The following HK2 variants were observed in gnomAD, a reference collection of about 807,000 sequenced individuals.
HK2 encodes hexokinase 2.
In HK2, 42 loss-of-function variants were observed where a neutral mutation model predicts 92.9. The observed-to-expected ratio is 0.45, with a 90% CI of 0.35 to 0.58. The LOEUF is 0.58. Among genes scored for constraint, HK2 ranks in the 20% least tolerant of loss-of-function variants. The probability of loss-of-function intolerance (pLI) is 0.00; values close to 1 mark genes in which losing one functional copy is unlikely to be tolerated. For missense variants in HK2, 978 were observed against 1,245.1 expected, an observed-to-expected ratio of 0.79 and a Z score of 3.23; for synonymous variants, 422 against 468.0, an observed-to-expected ratio of 0.90 and a Z score of 1.27.
At chr2:74,868,154 T>C (rs1260741092) in intron 3 of HK2, among the ~76,000 whole-genome samples, 1 of 152,144 alleles carries the variant, frequency 6.6e-6, no homozygotes, top group Non-Finnish European at 1.5e-5. Flanking sequence ...TGACCATGAG[T>C]AGAACACGCT....
At chr2:74,855,980 G>A (rs543056831) in intron 2 of HK2, among the ~76,000 whole-genome samples, 48 of 152,248 alleles carry the variant, frequency 3.2e-4, no homozygotes, top group Non-Finnish European at 5.4e-4. Flanking sequence ...GGCCCATGAC[G>A]GGTGGTGGGT....
chr2:74,841,681 C>T (rs1382459541), intron 1 of HK2, among the ~76,000 whole-genome samples: 1 of 152,182 alleles, frequency 6.6e-6, no homozygotes, highest in Non-Finnish European at 1.5e-5. Context: ...GGGCAGGTTT[C>T]CAGGGAACGG....
chr2:74,837,273 A>T (rs1688189859), intron 1 of HK2, among the ~76,000 whole-genome samples: 1 of 152,186 alleles, frequency 6.6e-6, no homozygotes, highest in South Asian at 2.1e-4. Flanking sequence ...CATGCTCTTG[A>T]GCACATACTT....
At chr2:74,879,018 T>G in intron 9 of HK2, 97 bp downstream of exon 9, 1 of 1,032,274 alleles carries the variant, frequency 9.7e-7, no homozygotes. Flanking sequence ...TCAGGGGTGG[T>G]GTGGAGGGAC....
chr2:74,834,965 A>T lies in HK2; in HGVS notation c.63+322A>T, dbSNP rs1202493575. 2.6e-5 allele frequency among the ~76,000 whole-genome samples: 4 copies of T among 152,054 alleles called. No homozygotes were observed. The highest frequency in any genetic ancestry group is 9.7e-5 in the African/African-American group (4 of 41,416). On this transcript the variant is annotated intron_variant, in intron 1 of 17. Coordinates refer to ENST00000290573, the MANE Select transcript of HK2 (RefSeq NM_000189.5). The surrounding 1 kb of genome is among the most constrained non-coding windows in gnomAD (Gnocchi z 4.2). The stretch of plus-strand genomic sequence containing the variant: ...CGGGTCACCCCGCAGGTAGTCAGGG[A>T]TTGCTGCGCCCACGTGGGAGGGAGC...
At chr2:74,844,427 C>T (rs1021388670) in intron 1 of HK2, among the ~76,000 whole-genome samples, 7 of 152,180 alleles carry the variant, frequency 4.6e-5, no homozygotes, top group African/African-American at 9.7e-5. Flanking sequence ...CAAACTGGGC[C>T]GCTTTTGAAA....
intron 2 of HK2, among the ~76,000 whole-genome samples, chr2:74,857,246 A>C (rs1197958192): frequency 1.3e-5 from 2 of 152,204 alleles, no homozygotes; most frequent in Admixed American, 1.3e-4. Context: ...AAGAGGTTGG[A>C]CCTAGCAGTT....
intron 9 of HK2, among the ~76,000 whole-genome samples, chr2:74,879,956 G>C (rs931894269): frequency 1.3e-5 from 2 of 152,242 alleles, no homozygotes; most frequent in East Asian, 3.8e-4. Context: ...GGGCAAGGGA[G>C]CAGTGGCCAG....
chr2:74,847,897 G>A (rs551074364), intron 1 of HK2, among the ~76,000 whole-genome samples: 1 of 152,322 alleles, frequency 6.6e-6, no homozygotes, highest in Admixed American at 6.5e-5. Context: ...ATTAGTGAAA[G>A]ACACAGCAGC....
At chr2:74,859,593 G>A (rs1256574547) in intron 2 of HK2, among the ~76,000 whole-genome samples, 1 of 152,068 alleles carries the variant, frequency 6.6e-6, no homozygotes, top group Non-Finnish European at 1.5e-5. Flanking sequence ...AACCCGGGAG[G>A]CAGAGCATTC....
intron 1 of HK2, among the ~76,000 whole-genome samples, chr2:74,835,635 G>C (rs1009637226): frequency 9.2e-5 from 14 of 152,206 alleles, no homozygotes; most frequent in Admixed American, 8.5e-4. Flanking sequence ...CCGGGGACGG[G>C]CAGGGCCAGG....
chr2:74,845,405 C>G (rs1688412218), intron 1 of HK2, among the ~76,000 whole-genome samples: 1 of 152,260 alleles, frequency 6.6e-6, no homozygotes, highest in Non-Finnish European at 1.5e-5. Context: ...TGCTGCTCCG[C>G]AGTCAGAACA....
intron 1 of HK2, among the ~76,000 whole-genome samples, chr2:74,837,730 C>T (rs1688202355): frequency 7.1e-6 from 1 of 141,694 alleles, no homozygotes; most frequent in Non-Finnish European, 1.5e-5. Context: ...GGCTGGAGTG[C>T]AGTGGCGCTA....
At position 74,874,269 on chromosome 2, in the gene HK2, C is replaced by A. The variant is rs778574566; in HGVS notation, c.695C>A (p.Thr232Lys). The A allele has an allele frequency of 6.2e-7, 1 of 1,613,946 alleles. No homozygotes were observed. Among genetic ancestry groups the A allele is most frequent in the African/African-American group, 1.3e-5 (1 of 74,870 alleles). Residue 232 changes from threonine to lysine, a missense_variant, in exon 7 of 18, where the codon ACG becomes AAG. Thr to Lys is a moderately conservative substitution (Grantham distance 78). Transcript: ENST00000290573. ...TAGCCGTCCCTTGTTTTGGCAGGCACGGGCAGCAACGCCTGCTACATGGAA... is the reference window on the plus strand; with the variant it reads ...TAGCCGTCCCTTGTTTTGGCAGGCAAGGGCAGCAACGCCTGCTACATGGAA... Reference protein sequence around the residue: ...HNCEIGLIVGTGSNACYMEEM... With the variant: ...HNCEIGLIVGKGSNACYMEEM...
chr2:74,870,803 C>T (rs753973883), intron 3 of HK2, among the ~76,000 whole-genome samples: 1 of 152,138 alleles, frequency 6.6e-6, no homozygotes, highest in Non-Finnish European at 1.5e-5. Flanking sequence ...CTTGTCCTCC[C>T]CAGCCTTTGC....
chr2:74,845,429 C>T (rs1395222726), intron 1 of HK2, among the ~76,000 whole-genome samples: 1 of 152,276 alleles, frequency 6.6e-6, no homozygotes, highest in Non-Finnish European at 1.5e-5. Flanking sequence ...TGTCTGAGGA[C>T]AGGAGGACCC....
At chr2:74,886,997 A>G (rs1689555045) in intron 15 of HK2, among the ~76,000 whole-genome samples, 1 of 152,198 alleles carries the variant, frequency 6.6e-6, no homozygotes, top group Non-Finnish European at 1.5e-5. Context: ...TGCAGACAGG[A>G]GCAAATCCTC....
Position 74,881,855 on chromosome 2 carries a change from A to G in HK2, c.1715A>G (p.Asp572Gly), listed in dbSNP as rs1461380990. Residue 572 changes from aspartate to glycine, a missense_variant, in exon 11 of 18, where the codon GAC becomes GGC. By Grantham distance (94) the Asp-to-Gly change is moderately conservative. This residue lies in a region of HK2 where 742 missense variants were observed against 922.5 expected (regional missense o/e 0.80). Transcript: ENST00000290573. ...IPQEVMHGTG[D>G]ELFDHIVQCI... Reference sequence around the variant, plus strand: ...CAGGAGGTCATGCACGGCACCGGGGACGAGGTGAGCAGGGCGGCGCCTTCA... The same window carrying G: ...CAGGAGGTCATGCACGGCACCGGGGGCGAGGTGAGCAGGGCGGCGCCTTCA... 2 of 1,614,178 alleles carry G rather than the reference A, an allele frequency of 1.2e-6. No homozygotes were observed. Among genetic ancestry groups the G allele is most frequent in the Non-Finnish European group, 1.7e-6 (2 of 1,180,016 alleles).
rs1558805556 is a variant in HK2, at chr2:74,885,878, AC to A, written c.1935+290del. 1.6e-3 allele frequency among the ~76,000 whole-genome samples: 245 copies of A among 151,598 alleles called. 1 individual carries two copies. Among genetic ancestry groups the A allele is most frequent in the African/African-American group, 5.7e-3 (234 of 40,988 alleles). On this transcript the variant is annotated intron_variant, in intron 13 of 17. Coordinates refer to ENST00000290573, the MANE Select transcript of HK2 (RefSeq NM_000189.5). ...CACACACACACACACACACACACAC[AC>A]ACACACAGTAAAGGAATAAAAGAAT... is the stretch of plus-strand genomic sequence containing the variant.
Sources: gnomAD v4.1 joint callset for allele counts (sites outside exome capture counted in the v4.1 genomes callset) on GRCh38, gnomAD v4.1.1 for gene constraint, gnomAD v4.1.1 regional missense constraint, Gnocchi (gnomAD v3.1) non-coding constraint, MANE v1.5 for transcripts, NCBI Gene and HGNC (gene_info 2026-07-23, HGNC 2026-07-21) for gene names.